The following TMEM108 variants were observed in gnomAD, a reference collection of about 807,000 sequenced individuals.
The protein encoded by TMEM108 is cancer/testis antigen 124.
A neutral mutation model predicts 35.1 loss-of-function variants in TMEM108; 12 were observed. The ratio of observed to expected loss-of-function variants is 0.34; its 90% CI spans 0.22 to 0.55. TMEM108 has a LOEUF of 0.55. Among genes scored for constraint, TMEM108 ranks in the 20% least tolerant of loss-of-function variants. The pLI is 0.89. For synonymous variants in TMEM108, 287 were observed against 308.6 expected (o/e 0.93, Z 0.73); for missense variants, 680 against 753.3 (o/e 0.90, Z 1.14).
chr3:133,305,863 A>G (rs887531577), intron 3 of TMEM108, among the ~76,000 whole-genome samples: 5 of 152,026 alleles, frequency 3.3e-5, no homozygotes, highest in Non-Finnish European at 7.4e-5. Context: ...CAATATATTT[A>G]TTTGCCATCC....
At chr3:133,157,398 A>G (rs1576350524) in intron 2 of TMEM108, among the ~76,000 whole-genome samples, 1 of 152,246 alleles carries the variant, frequency 6.6e-6, no homozygotes, top group East Asian at 1.9e-4. Flanking sequence ...GGTTGAATAT[A>G]ATTAAAGACA....
chr3:133,181,054 G>T (rs371656603), intron 2 of TMEM108, among the ~76,000 whole-genome samples: 11 of 122,410 alleles, frequency 9.0e-5, no homozygotes, highest in Admixed American at 5.3e-4. Context: ...CTCCCAAAGC[G>T]CTTGATTTAT....
intron 2 of TMEM108, among the ~76,000 whole-genome samples, chr3:133,083,488 T>G (rs766651544): frequency 5.9e-5 from 9 of 152,304 alleles, no homozygotes; most frequent in Non-Finnish European, 4.4e-5. Context: ...TTACTTCCTC[T>G]CTGGTTTAAT....
chr3:133,158,454 G>A (rs1576351165), intron 2 of TMEM108, among the ~76,000 whole-genome samples: 4 of 122,270 alleles, frequency 3.3e-5, no homozygotes, highest in Admixed American at 1.9e-4. Context: ...GCAACAGAGT[G>A]AGACTCTGTC....
At chr3:133,272,419 C>T (rs1266635222) in intron 3 of TMEM108, among the ~76,000 whole-genome samples, 3 of 152,052 alleles carry the variant, frequency 2.0e-5, no homozygotes, top group African/African-American at 7.3e-5. Context: ...AGAATCATCC[C>T]ATTTTAGAGC....
intron 2 of TMEM108, among the ~76,000 whole-genome samples, chr3:133,135,355 A>T (rs1401104328): frequency 1.3e-5 from 2 of 152,196 alleles, no homozygotes; most frequent in Non-Finnish European, 1.5e-5. Flanking sequence ...GAGCACAGAG[A>T]GGGGAGACTA....
At chr3:133,317,018 T>C (rs1344297629) in intron 3 of TMEM108, among the ~76,000 whole-genome samples, 1 of 152,160 alleles carries the variant, frequency 6.6e-6, no homozygotes, top group Non-Finnish European at 1.5e-5. Context: ...TACTGAAAAT[T>C]CCAGTGTGGC....
chr3:133,364,680 A>G (rs898853692), intron 3 of TMEM108, among the ~76,000 whole-genome samples: 13 of 152,236 alleles, frequency 8.5e-5, no homozygotes, highest in Admixed American at 8.5e-4. Flanking sequence ...AAATTGGATG[A>G]AAGGAATACT....
intron 3 of TMEM108, among the ~76,000 whole-genome samples, chr3:133,235,112 C>G (rs1384783109): frequency 7.2e-5 from 11 of 152,090 alleles, no homozygotes; most frequent in Non-Finnish European, 1.6e-4. Context: ...AGGATACAAA[C>G]AAATGGAAGA....
intron 3 of TMEM108, among the ~76,000 whole-genome samples, chr3:133,364,382 G>A (rs1198386817): frequency 1.3e-5 from 2 of 152,194 alleles, no homozygotes; most frequent in Non-Finnish European, 2.9e-5. Flanking sequence ...GTGAGAAGAA[G>A]GTGAAGCACT....
chr3:133,146,032 T>C (rs539593681), intron 2 of TMEM108, among the ~76,000 whole-genome samples: 2 of 152,328 alleles, frequency 1.3e-5, no homozygotes, highest in South Asian at 2.1e-4. Context: ...GAGGGCATCC[T>C]TGTCTTGTGC....
intron 2 of TMEM108, among the ~76,000 whole-genome samples, chr3:133,102,491 G>A (rs539276523): frequency 2.0e-5 from 3 of 152,176 alleles, no homozygotes; most frequent in East Asian, 3.9e-4. Context: ...CTCATGTACC[G>A]CCACATGCTT....
At chr3:133,310,192 G>T (rs2071105681) in intron 3 of TMEM108, among the ~76,000 whole-genome samples, 1 of 152,192 alleles carries the variant, frequency 6.6e-6, no homozygotes, top group African/African-American at 2.4e-5. Flanking sequence ...ATATGGGGTG[G>T]AGAGTTCTGT....
chr3:133,093,166 T>G (rs1022231994), intron 2 of TMEM108, among the ~76,000 whole-genome samples: 7 of 152,162 alleles, frequency 4.6e-5, no homozygotes, highest in Non-Finnish European at 1.5e-5. Context: ...ATTTTTTGTA[T>G]TTTTAGTAGA....
At chr3:133,151,140 G>C (rs1944794193) in intron 2 of TMEM108, among the ~76,000 whole-genome samples, 1 of 151,970 alleles carries the variant, frequency 6.6e-6, no homozygotes, top group African/African-American at 2.4e-5. Context: ...TGGGTAAGGG[G>C]ACCTTGCTAG....
intron 3 of TMEM108, among the ~76,000 whole-genome samples, chr3:133,272,868 A>AT (rs1176004608): frequency 3.9e-5 from 6 of 152,084 alleles, no homozygotes; most frequent in Non-Finnish European, 7.4e-5. Flanking sequence ...GGGAAATGAT[A>AT]TTGGCACTTA....
intron 3 of TMEM108, among the ~76,000 whole-genome samples, chr3:133,240,630 A>T (rs1242544561): frequency 2.0e-5 from 3 of 152,164 alleles, no homozygotes; most frequent in Non-Finnish European, 4.4e-5. Context: ...ATTTTTGCTA[A>T]AATATATGGT....
chr3:133,386,331 A>C (rs2073148562), intron 4 of TMEM108: 1 of 1,450,314 alleles, frequency 6.9e-7, no homozygotes, highest in Non-Finnish European at 9.3e-7. Flanking sequence ...ATGCCTGCTC[A>C]AACAGGCCCG....
chr3:133,169,080 T>C lies in TMEM108; in HGVS notation c.-46-60186T>C, dbSNP rs565177264. On this transcript the variant is annotated intron_variant, in intron 2 of 5. Coordinates refer to ENST00000321871, the MANE Select transcript of TMEM108 (RefSeq NM_023943.4). Reference sequence around the variant, plus strand: ...CTCACCGTGAGGGTCTGTGGCTTCATTCTTGAAGTCAGTGAGACCAAGAAC... The same window carrying C: ...CTCACCGTGAGGGTCTGTGGCTTCACTCTTGAAGTCAGTGAGACCAAGAAC... Among the ~76,000 whole-genome samples the C allele has an allele frequency of 2.8e-4, 42 of 152,356 alleles. 1 individual carries two copies. The South Asian group carries it at 5.0e-3, about 18-fold the overall frequency.
Sources: gnomAD v4.1 joint callset for allele counts (sites outside exome capture counted in the v4.1 genomes callset) on GRCh38, gnomAD v4.1.1 for gene constraint, MANE v1.5 for transcripts, NCBI Gene and HGNC (gene_info 2026-07-23, HGNC 2026-07-21) for gene names.